UMAD1: variants seen among roughly 807,000 people sequenced by gnomAD.
UMAD1 encodes the protein UBAP1-MVB12-associated (UMA) domain containing 1.
Under a neutral mutation model 6.1 loss-of-function variants are expected in UMAD1, and 8 were observed. That is an observed-to-expected ratio of 1.30 (90% CI 0.76 to 2.35). The LOEUF (loss-of-function observed/expected upper bound fraction) is 2.35. Among genes scored for constraint, UMAD1 ranks in the 30% most tolerant of loss-of-function variants. The probability of loss-of-function intolerance (pLI) is 0.00; values close to 1 mark genes in which losing one functional copy is unlikely to be tolerated. For synonymous variants in UMAD1, 56 were observed against 31.4 expected, an observed-to-expected ratio of 1.78 and a Z score of -2.61; for missense variants, 130 against 78.4, an observed-to-expected ratio of 1.66 and a Z score of -2.49.
At chr7:7,703,133 G>A (rs184225303) in intron 2 of UMAD1, among the ~76,000 whole-genome samples, 1 of 152,280 alleles carries the variant, frequency 6.6e-6, no homozygotes, top group African/African-American at 2.4e-5. Context: ...ATTGAATACA[G>A]CTGTAGTTTA....
intron 1 of UMAD1, among the ~76,000 whole-genome samples, chr7:7,643,572 C>T (rs1195592162): frequency 1.3e-5 from 2 of 152,084 alleles, no homozygotes; most frequent in Non-Finnish European, 2.9e-5. Flanking sequence ...AGTATCCAGG[C>T]GCGATGGCGG....
chr7:7,798,399 T>G (rs974697244), intron 2 of UMAD1, among the ~76,000 whole-genome samples: 1 of 152,218 alleles, frequency 6.6e-6, no homozygotes, highest in African/African-American at 2.4e-5. Flanking sequence ...TTTTTACATC[T>G]TGTAAAATTG....
intron 2 of UMAD1, among the ~76,000 whole-genome samples, chr7:7,765,345 T>G (rs1308147474): frequency 6.6e-6 from 1 of 152,162 alleles, no homozygotes; most frequent in Non-Finnish European, 1.5e-5. Flanking sequence ...AACAATAATA[T>G]TTAATCAATC....
At chr7:7,659,292 G>A (rs974584919) in intron 1 of UMAD1, among the ~76,000 whole-genome samples, 1 of 151,964 alleles carries the variant, frequency 6.6e-6, no homozygotes, top group African/African-American at 2.4e-5. Flanking sequence ...GGTTTTTCAT[G>A]TCTCTATCTC....
intron 2 of UMAD1, among the ~76,000 whole-genome samples, chr7:7,754,868 A>T (rs1390383940): frequency 6.6e-6 from 1 of 152,186 alleles, no homozygotes; most frequent in Non-Finnish European, 1.5e-5. Context: ...CATACTCTGC[A>T]TCTTAGCTTT....
At chr7:7,701,511 T>C (rs1476791710) in intron 2 of UMAD1, among the ~76,000 whole-genome samples, 1 of 152,250 alleles carries the variant, frequency 6.6e-6, no homozygotes, top group Non-Finnish European at 1.5e-5. Flanking sequence ...CTTGTAAATC[T>C]GTGCTGCTTT....
At chr7:7,780,213 C>A (rs544218385) in intron 2 of UMAD1, among the ~76,000 whole-genome samples, 1 of 152,190 alleles carries the variant, frequency 6.6e-6, no homozygotes, top group African/African-American at 2.4e-5. Flanking sequence ...TAACCACCCC[C>A]ATCTCTCTTC....
At chr7:7,767,159 C>G (rs887213838) in intron 2 of UMAD1, among the ~76,000 whole-genome samples, 1 of 117,730 alleles carries the variant, frequency 8.5e-6, no homozygotes, top group Non-Finnish European at 2.0e-5. Context: ...GACTCTCACT[C>G]TGTCACCCAG....
intron 2 of UMAD1, among the ~76,000 whole-genome samples, chr7:7,688,679 A>G (rs1176949981): frequency 6.6e-6 from 1 of 152,006 alleles, no homozygotes; most frequent in Non-Finnish European, 1.5e-5. Flanking sequence ...CAGCTCCTAT[A>G]TTATTGTTTT....
chr7:7,773,217 T>TA (rs1782136165), intron 2 of UMAD1, among the ~76,000 whole-genome samples: 1 of 152,244 alleles, frequency 6.6e-6, no homozygotes, highest in South Asian at 2.1e-4. Context: ...ACTTTTATAA[T>TA]AAAGTTGTGA....
intron 2 of UMAD1, among the ~76,000 whole-genome samples, chr7:7,709,792 T>A (rs79461078): frequency 3.3e-5 from 5 of 150,864 alleles, no homozygotes; most frequent in East Asian, 1.9e-4. Flanking sequence ...TTTTTTTTTT[T>A]AAATAATGAG....
At chr7:7,840,181 G>C (rs1783650985) in intron 3 of UMAD1, among the ~76,000 whole-genome samples, 1 of 152,124 alleles carries the variant, frequency 6.6e-6, no homozygotes, top group Non-Finnish European at 1.5e-5. Flanking sequence ...AGGTAAATAG[G>C]GTTCTGGGGT....
At chr7:7,836,663 T>C (rs1356108409) in intron 3 of UMAD1, among the ~76,000 whole-genome samples, 1 of 151,890 alleles carries the variant, frequency 6.6e-6, no homozygotes, top group Non-Finnish European at 1.5e-5. Flanking sequence ...TCATGAGAAT[T>C]AAAAATTAAG....
At chr7:7,807,488 T>A (rs1782940890) in intron 3 of UMAD1, among the ~76,000 whole-genome samples, 1 of 152,100 alleles carries the variant, frequency 6.6e-6, no homozygotes, top group African/African-American at 2.4e-5. Context: ...AGTTAAAATA[T>A]TTGTTAAGTG....
At position 7,698,863 on chromosome 7, in the gene UMAD1, C is replaced by A. The variant is rs563632693; in HGVS notation, c.82+25410C>A. On this transcript the variant is annotated intron_variant, in intron 2 of 3. Coordinates refer to ENST00000682710, the MANE Select transcript of UMAD1 (RefSeq NM_001302348.2). ...TGGATTTCGTTTCCACCAACTCACC[C>A]TCTTGTCTTTTTTTTTTTTTTTTTT... 7.3e-5 allele frequency among the ~76,000 whole-genome samples: 11 copies of A among 150,708 alleles called. No homozygotes were observed. In the South Asian group the frequency reaches 2.3e-3, roughly 32 times the overall value.
At chr7:7,730,263 C>G (rs370445968) in intron 2 of UMAD1, among the ~76,000 whole-genome samples, 1 of 152,144 alleles carries the variant, frequency 6.6e-6, no homozygotes, top group African/African-American at 2.4e-5. Context: ...CTAAAAAATA[C>G]CAATGTCTGC....
Position 7,872,718 on chromosome 7 carries a change from G to T in UMAD1, c.157-4563G>T, listed in dbSNP as rs191009957. Among the ~76,000 whole-genome samples, 1,192 of 152,276 alleles carry T rather than the reference G, an allele frequency of 7.8e-3. 8 individuals carry two copies. The highest frequency in any genetic ancestry group is 0.012 in the Non-Finnish European group (825 of 68,024). Reference sequence around the variant, plus strand: ...TACCGTAAAGCAAAGTGCAATAAAAGAATGTATGCCTATACCTCCACTTTA... The same window carrying T: ...TACCGTAAAGCAAAGTGCAATAAAATAATGTATGCCTATACCTCCACTTTA... On this transcript the variant is annotated intron_variant, in intron 3 of 3. Transcript: ENST00000682710.
chr7:7,853,502 GT>G (rs1783958476), intron 3 of UMAD1, among the ~76,000 whole-genome samples: 1 of 151,434 alleles, frequency 6.6e-6, no homozygotes, highest in Non-Finnish European at 1.5e-5. Context: ...ATCCTTTGTA[GT>G]TTTCAGGGTA....
chr7:7,654,507 T>C (rs1180154257), intron 1 of UMAD1, among the ~76,000 whole-genome samples: 3 of 152,244 alleles, frequency 2.0e-5, no homozygotes, highest in Non-Finnish European at 4.4e-5. Context: ...CTCAAGTGCC[T>C]TTTATTAAAT....
Sources: allele counts gnomAD v4.1 joint callset (sites outside exome capture counted in the v4.1 genomes callset), GRCh38; gene constraint gnomAD v4.1.1; transcripts MANE v1.5; gene names NCBI Gene and HGNC (gene_info 2026-07-23, HGNC 2026-07-21).